CILP: variants seen among roughly 807,000 people sequenced by gnomAD.
The protein encoded by CILP is cartilage intermediate layer protein, also known as cartilage intermediate layer protein 1.
A neutral mutation model predicts 82.5 loss-of-function variants in CILP; 75 were observed. The ratio of observed to expected loss-of-function variants is 0.91; its 90% CI spans 0.75 to 1.10. The LOEUF (loss-of-function observed/expected upper bound fraction) is 1.10, where lower values mean the gene tolerates loss of function less well. Ranked by LOEUF, CILP falls within the 50% of genes least tolerant of loss-of-function variation. The probability of loss-of-function intolerance (pLI) is 0.00; values close to 1 mark genes in which losing one functional copy is unlikely to be tolerated. For missense variants in CILP, 1,479 were observed against 1,530.8 expected, an observed-to-expected ratio of 0.97 and a Z score of 0.56; for synonymous variants, 530 against 580.3, an observed-to-expected ratio of 0.91 and a Z score of 1.25.
chr15:65,201,744 AAAAAAAG>A lies in CILP; in HGVS notation c.1186+121_1186+127del. 7.6e-6 allele frequency: 4 copies of A among 527,380 alleles called. No individual in the cohort carries two copies. The East Asian group carries it at 1.1e-4, about 15-fold the overall frequency. 32.7% of individuals were successfully genotyped at this position (527,380 alleles called of 1,614,324 possible). On this transcript the variant is annotated intron_variant, in intron 8 of 8. Transcript: ENST00000261883. ...ACTCCATCTCAAAAAAAAAAAAAAA[AAAAAAAG>A]AAAGAAAGAAAAGAAAAGAAAAAAG...
In CILP at chr15:65,206,964, T is replaced by C. The variant is rs200310910; in HGVS notation, c.242A>G (p.Tyr81Cys). The change falls in exon 4 of 9, where the codon TAT (tyrosine) becomes TGT (cysteine). Residue 81 changes from tyrosine to cysteine, a missense_variant. Tyr to Cys is a radical substitution (Grantham distance 194). Transcript: ENST00000261883. ...GGGACGGGCACATACACGGTCCCCATAGTAGAAGCGAATGGCGTCCAGCCG... is the reference window on the plus strand; with the variant it reads ...GGGACGGGCACATACACGGTCCCCACAGTAGAAGCGAATGGCGTCCAGCCG... ...YERLDAIRFY[Y>C]GDRVCARPLR... is the part of the protein sequence containing the mutation. The C allele has an allele frequency of 5.5e-5, 89 of 1,613,906 alleles. No homozygotes were observed. Among genetic ancestry groups the C allele is most frequent in the Non-Finnish European group, 1.9e-5 (22 of 1,180,006 alleles).
At chr15:65,199,854 T>G (rs187637121) in intron 8 of CILP, among the ~76,000 whole-genome samples, 1 of 152,288 alleles carries the variant, frequency 6.6e-6, no homozygotes, top group Admixed American at 6.5e-5. Flanking sequence ...CCTAGTATCT[T>G]TTACATGGCT....
Position 65,209,701 on chromosome 15 carries a change from C to T in CILP, c.55G>A (p.Val19Met), listed in dbSNP as rs755015707. The change falls in exon 2 of 9, where the codon GTG becomes ATG. Residue 19 changes from valine (V) to methionine (M), a missense_variant. Val to Met is a conservative substitution (Grantham distance 21). Coordinates refer to ENST00000261883, the MANE Select transcript of CILP (RefSeq NM_003613.4). ...GCAGATACTTAGCCTATACCCAACA[C>T]AGATGTGACTTCCAGGACCAGGAAG... is the stretch of plus-strand genomic sequence containing the variant. The part of the protein sequence containing the change: ...FSFLVLEVTS[V>M]LGRQTMLTQS... 24 of 1,613,968 alleles carry T rather than the reference C, an allele frequency of 1.5e-5. No homozygotes were observed. Among genetic ancestry groups the T allele is most frequent in the South Asian group, 3.3e-5 (3 of 91,080 alleles).
Position 65,207,694 on chromosome 15 carries a change from G to T in CILP, c.132C>A (p.Ala44=). ...QPGKKNPSIF[A]KPADTLESPG... is the part of the protein sequence containing the mutation. ...CACTCTCCAGGGTGTCGGCAGGCTTGGCAAAGATGCTGGGGTTCTTCTTCC... is the reference window on the plus strand; with the variant it reads ...CACTCTCCAGGGTGTCGGCAGGCTTTGCAAAGATGCTGGGGTTCTTCTTCC... The change falls in exon 3 of 9, where the codon GCC becomes GCA. Residue 44 remains alanine, a synonymous_variant. Coordinates refer to ENST00000261883, the MANE Select transcript of CILP (RefSeq NM_003613.4). 6.2e-7 allele frequency: 1 copy of T among 1,614,112 alleles called. No homozygotes were observed. The highest frequency in any genetic ancestry group is 8.5e-7 in the Non-Finnish European group (1 of 1,180,004).
Position 65,198,766 on chromosome 15 carries a change from A to T in CILP, c.1520T>A (p.Phe507Tyr), listed in dbSNP as rs1435409278. The T allele has an allele frequency of 6.2e-7, 1 of 1,613,966 alleles. No homozygotes were observed. Among genetic ancestry groups the T allele is most frequent in the Non-Finnish European group, 8.5e-7 (1 of 1,180,024 alleles). Residue 507 changes from phenylalanine (F) to tyrosine (Y), a missense_variant, in exon 9 of 9, where the codon TTT (phenylalanine) becomes TAT (tyrosine). Transcript: ENST00000261883. ...SAADNGEPMRFGHVYMGNSRV... is the reference protein window; with the variant it reads ...SAADNGEPMRYGHVYMGNSRV... ...GCTGTTCCCCATGTACACATGGCCA[A>T]AGCGCATGGGCTCCCCATTGTCAGC...
rs1013771845 is a variant in CILP, at chr15:65,195,383, C to T, written c.*1348G>A. The T allele has an allele frequency of 2.6e-5, 4 of 152,282 alleles. No individual in the cohort carries two copies. Among genetic ancestry groups the T allele is most frequent in the African/African-American group, 9.6e-5 (4 of 41,468 alleles). 9.4% of individuals were successfully genotyped at this position (152,282 alleles called of 1,614,324 possible). ...GATAGGGGCAGTGAGTGCATCCTATCCAACCCCACACCCCACTACCCTGAC... is the reference window on the plus strand; with the variant it reads ...GATAGGGGCAGTGAGTGCATCCTATTCAACCCCACACCCCACTACCCTGAC... On this transcript the variant is annotated 3_prime_UTR_variant, in exon 9 of 9. Coordinates refer to ENST00000261883, the MANE Select transcript of CILP (RefSeq NM_003613.4).
At chr15:65,207,862 T>C (rs1595961209) in intron 2 of CILP, 98 bp from the exon 3 acceptor site, 1 of 1,008,384 alleles carries the variant, frequency 9.9e-7, no homozygotes, top group Admixed American at 1.9e-5. Context: ...GAATGGAGCA[T>C]GAGCACCAGG....
Position 65,196,101 on chromosome 15 carries a change from C to T in CILP, c.*630G>A, listed in dbSNP as rs1487812461. On this transcript the variant is annotated 3_prime_UTR_variant, in exon 9 of 9. Transcript: ENST00000261883. ...GAATGCAAAGGGAAATGTACAAATA[C>T]AGTTAGCAACCTGGTGTAATTGTGG... 1 of 152,216 alleles carries T rather than the reference C, an allele frequency of 6.6e-6. No homozygotes were observed. The highest frequency in any genetic ancestry group is 1.5e-5 in the Non-Finnish European group (1 of 68,042). 9.4% of individuals were successfully genotyped at this position (152,216 alleles called of 1,614,324 possible).
rs2088462984 is a variant in CILP, at chr15:65,202,005, A to T, written c.1053T>A (p.Asp351Glu). The change falls in exon 8 of 9, where the codon GAT (aspartate) becomes GAA (glutamate). Residue 351 changes from aspartate (D) to glutamate (E), a missense_variant. Coordinates refer to ENST00000261883, the MANE Select transcript of CILP (RefSeq NM_003613.4). ...YFWYHNDTLL[D>E]PSLYKHESKL... ...TGCTCTCATGCTTGTAGAGGGAAGGATCCAGCAATGTGTCATTATGATACC... is the reference window on the plus strand; with the variant it reads ...TGCTCTCATGCTTGTAGAGGGAAGGTTCCAGCAATGTGTCATTATGATACC... 2.5e-6 allele frequency: 4 copies of T among 1,597,290 alleles called. No homozygotes were observed. Among genetic ancestry groups the T allele is most frequent in the Non-Finnish European group, 3.4e-6 (4 of 1,172,978 alleles).
At chr15:65,200,719 C>T (rs2088439169) in intron 8 of CILP, among the ~76,000 whole-genome samples, 1 of 152,218 alleles carries the variant, frequency 6.6e-6, no homozygotes, top group Non-Finnish European at 1.5e-5. Context: ...ACCTTGGTTG[C>T]AAATTGGAAT....
At chr15:65,202,675 T>G (rs2088472560) in intron 7 of CILP, among the ~76,000 whole-genome samples, 1 of 151,820 alleles carries the variant, frequency 6.6e-6, no homozygotes, top group Non-Finnish European at 1.5e-5. Flanking sequence ...TGACCCACCC[T>G]CCTCGGCCTC....
chr15:65,197,495 C>T lies in CILP; in HGVS notation c.2791G>A (p.Glu931Lys), dbSNP rs780209937. 8 of 1,614,108 alleles carry T rather than the reference C, an allele frequency of 5.0e-6. No individual in the cohort carries two copies. The highest frequency in any genetic ancestry group is 1.7e-5 in the Admixed American group (1 of 60,000). ...TCAGTCCAGCTCATAGGGTCATCTT[C>T]GTTGAAGGGGACTGTGTTGTAGTCA... Reference protein sequence around the residue: ...RYDYNTVPFNEDDPMSWTEDY... With the variant: ...RYDYNTVPFNKDDPMSWTEDY... The change falls in exon 9 of 9, where the codon GAA (glutamate) becomes AAA (lysine). Residue 931 changes from glutamate (E) to lysine (K), a missense_variant. Physicochemically the swap from Glu to Lys is moderately conservative, Grantham distance 56. Transcript: ENST00000261883.
chr15:65,210,577 G>A (rs1004668811), intron 1 of CILP, among the ~76,000 whole-genome samples: 2 of 152,208 alleles, frequency 1.3e-5, no homozygotes, highest in Admixed American at 6.5e-5. Flanking sequence ...GAACTATGGG[G>A]CGTGCGTGGC....
chr15:65,195,480 T>A lies in CILP; in HGVS notation c.*1251A>T, dbSNP rs987927847. ...TTACTATTTTAAACCAAATACCTTTTCCAAAACCAAAACTCTGCCCGTTTG... is the reference window on the plus strand; with the variant it reads ...TTACTATTTTAAACCAAATACCTTTACCAAAACCAAAACTCTGCCCGTTTG... On this transcript the variant is annotated 3_prime_UTR_variant, in exon 9 of 9. Transcript: ENST00000261883. 6.6e-6 allele frequency: 1 copy of A among 152,218 alleles called. No homozygotes were observed. Among genetic ancestry groups the A allele is most frequent in the African/African-American group, 2.4e-5 (1 of 41,452 alleles). 9.4% of individuals were successfully genotyped at this position (152,218 alleles called of 1,614,324 possible).
rs1474366528 is a variant in CILP at position 65,202,739 on chromosome 15, T to G, written c.1028+623A>C. ...CACCATGCCTGGCCCCTTGTTTGCTTTTATTGGGAAAAGCAGGACCTAGGA... is the reference window on the plus strand; with the variant it reads ...CACCATGCCTGGCCCCTTGTTTGCTGTTATTGGGAAAAGCAGGACCTAGGA... On this transcript the variant is annotated intron_variant, in intron 7 of 8. Transcript: ENST00000261883. 3.3e-5 allele frequency among the ~76,000 whole-genome samples: 5 copies of G among 151,970 alleles called. 1 individual carries two copies. The highest frequency in any genetic ancestry group is 1.2e-4 in the African/African-American group (5 of 41,402).
At position 65,205,465 on chromosome 15, in the gene CILP, T is replaced by A. The variant is rs1322423540; in HGVS notation, c.426A>T (p.Gly142=). The A allele has an allele frequency of 6.2e-7, 1 of 1,603,720 alleles. No individual in the cohort carries two copies. Among genetic ancestry groups the A allele is most frequent in the African/African-American group, 1.3e-5 (1 of 74,772 alleles). ...TGCGCTCTGTGTCTCGGCGCAGGGA[T>A]CCTGCAAAGTGAGATCAGCAGACGG... ...NYTVRFLCPP[G]SLRRDTERIW... is the part of the protein sequence containing the mutation. The change falls in exon 5 of 9, where the codon GGA becomes GGT. Residue 142 remains glycine, a splice_region_variant and synonymous_variant. Transcript: ENST00000261883.
intron 2 of CILP, 103 bp from the exon 3 acceptor site, chr15:65,207,867 A>T: frequency 2.1e-6 from 2 of 959,932 alleles, no homozygotes; most frequent in Non-Finnish European, 3.3e-6. Flanking sequence ...GAGCATGAGC[A>T]CCAGGCATGG....
At chr15:65,204,609 G>C in intron 5 of CILP, 27 bp from the exon 6 acceptor site, 1 of 1,566,368 alleles carries the variant, frequency 6.4e-7, no homozygotes, top group Non-Finnish European at 8.6e-7. Context: ...CATATCAGCA[G>C]GGATTCTATG....
In CILP at chr15:65,198,255, T is replaced by C; in HGVS notation, c.2031A>G (p.Lys677=). The change falls in exon 9 of 9, where the codon AAA becomes AAG. Residue 677 remains lysine (K), a synonymous_variant. Coordinates refer to ENST00000261883, the MANE Select transcript of CILP (RefSeq NM_003613.4). ...GGGTCGAGTCAAGGTGGACCTTCACTTTGCCAGCATTAAGTGGCTCTGAGG... is the reference window on the plus strand; with the variant it reads ...GGGTCGAGTCAAGGTGGACCTTCACCTTGCCAGCATTAAGTGGCTCTGAGG... ...EVTSEPLNAG[K]VKVHLDSTQV... is the part of the protein sequence containing the mutation. 6.2e-7 allele frequency: 1 copy of C among 1,614,286 alleles called. No homozygotes were observed. The highest frequency in any genetic ancestry group is 8.5e-7 in the Non-Finnish European group (1 of 1,180,054).
Sources: gnomAD v4.1 joint callset for allele counts (sites outside exome capture counted in the v4.1 genomes callset) on GRCh38, gnomAD v4.1.1 for gene constraint, MANE v1.5 for transcripts, NCBI Gene and HGNC (gene_info 2026-07-23, HGNC 2026-07-21) for gene names.